The following CIB1 variants were observed in gnomAD, a reference collection of about 807,000 sequenced individuals.
The protein encoded by CIB1 is calcium and integrin binding 1.
Under a neutral mutation model 25.0 loss-of-function variants are expected in CIB1, and 19 were observed. The observed-to-expected ratio is 0.76, with a 90% confidence interval of 0.53 to 1.12. CIB1 has a LOEUF of 1.12. Among genes scored for constraint, CIB1 ranks in the 50% most tolerant of loss-of-function variants. The probability of loss-of-function intolerance (pLI) is 0.00; values close to 1 mark genes in which losing one functional copy is unlikely to be tolerated. For missense variants in CIB1, 236 were observed against 242.6 expected (o/e 0.97, Z 0.18); for synonymous variants, 104 against 98.5 (o/e 1.06, Z -0.33).
the CIB1 span, chr15:90,255,683 G>A: frequency 3.1e-5 from 50 of 1,603,548 alleles, no homozygotes; most frequent in Non-Finnish European, 3.7e-5. Flanking sequence ...CTCCTCCACT[G>A]CTTCCTGGGA....
At chr15:90,240,237 G>A in the CIB1 span, among the ~76,000 whole-genome samples, 18 of 151,410 alleles carry the variant, frequency 1.2e-4, no homozygotes, top group African/African-American at 4.4e-4. Context: ...GCCAGGTGCA[G>A]TGGCTCAGGC....
At chr15:90,241,477 T>C in the CIB1 span, 1 of 1,613,786 alleles carries the variant, frequency 6.2e-7, no homozygotes, top group Non-Finnish European at 8.5e-7. Context: ...AGGGCAGGGA[T>C]TGAGGCTGTG....
At chr15:90,246,974 TC>T in the CIB1 span, among the ~76,000 whole-genome samples, 2 of 150,056 alleles carry the variant, frequency 1.3e-5, no homozygotes, top group African/African-American at 2.5e-5. Context: ...TTTCTTTCTT[TC>T]CTTTTTTTTT....
the CIB1 span, chr15:90,258,862 G>A: frequency 1.9e-6 from 3 of 1,614,178 alleles, no homozygotes; most frequent in Non-Finnish European, 1.7e-6. Context: ...GGAAGGTGAT[G>A]GAGGAGGATA....
At chr15:90,237,422 C>T (rs1407945700), upstream of CIB1, among the ~76,000 whole-genome samples, 1 of 151,496 alleles carries the variant, frequency 6.6e-6, no homozygotes, top group Non-Finnish European at 1.5e-5. Context: ...GCTGGGACTA[C>T]AGGTGTGTGC....
At chr15:90,263,883 G>A in the CIB1 span, 1 of 1,107,452 alleles carries the variant, frequency 9.0e-7, no homozygotes, top group Non-Finnish European at 1.3e-6. Flanking sequence ...CAATCCCCAG[G>A]ATCTTAGGGG....
the CIB1 span, chr15:90,265,553 G>C: frequency 7.2e-7 from 1 of 1,386,164 alleles, no homozygotes; most frequent in Non-Finnish European, 9.6e-7. Flanking sequence ...AGAAAGGGTG[G>C]GCCACTGAGC....
In CIB1 at chr15:90,231,094, C is replaced by T. The variant is rs914933274; in HGVS notation, c.465+1G>A. On this transcript the variant is annotated splice_donor_variant, in intron 5 of 6. Coordinates refer to ENST00000328649, the MANE Select transcript of CIB1 (RefSeq NM_006384.4). LOFTEE classifies it high-confidence loss of function. ...GCTCCCAGGCCTGCTCAGCTGCTCA[C>T]GTTGTCGATGAGCTGCTTCATCTCA... The T allele has an allele frequency of 1.9e-6, 3 of 1,613,768 alleles. No individual in the cohort carries two copies. Among genetic ancestry groups the T allele is most frequent in the South Asian group, 1.1e-5 (1 of 91,068 alleles).
chr15:90,231,097 T>C lies in CIB1; in HGVS notation c.463A>G (p.Asn155Asp), dbSNP rs146621891. ...CCCAGGCCTGCTCAGCTGCTCACGTTGTCGATGAGCTGCTTCATCTCAGAC... is the reference window on the plus strand; with the variant it reads ...CCCAGGCCTGCTCAGCTGCTCACGTCGTCGATGAGCTGCTTCATCTCAGAC... The part of the protein sequence containing the change: ...SASEMKQLID[N>D]ILEESDIDRD... Residue 155 changes from asparagine (N) to aspartate (D), a missense_variant and splice_region_variant, in exon 5 of 7, where the codon AAC becomes GAC. By Grantham distance (23) the Asn-to-Asp change is conservative. Coordinates refer to ENST00000328649, the MANE Select transcript of CIB1 (RefSeq NM_006384.4). The C allele has an allele frequency of 6.1e-5, 98 of 1,613,772 alleles. No homozygotes were observed. The highest frequency in any genetic ancestry group is 8.1e-5 in the Non-Finnish European group (95 of 1,179,732).
chr15:90,255,240 A>T, the CIB1 span, among the ~76,000 whole-genome samples: 1 of 152,314 alleles, frequency 6.6e-6, no homozygotes, highest in Non-Finnish European at 1.5e-5. Context: ...GGCATCCCGG[A>T]TGCTGCCACC....
chr15:90,234,955 T>C (rs1962601142), upstream of CIB1, among the ~76,000 whole-genome samples: 1 of 152,230 alleles, frequency 6.6e-6, no homozygotes, highest in Non-Finnish European at 1.5e-5. Context: ...CTGGGATTAA[T>C]TCTTGATCCT....
chr15:90,230,905 C>T, intron 6 of CIB1, 29 bp downstream of exon 6: 2 of 1,592,330 alleles, frequency 1.3e-6, no homozygotes, highest in South Asian at 1.1e-5. Context: ...CCTGCAGGTA[C>T]CCAGAATGAA....
the CIB1 span, chr15:90,262,926 T>C: frequency 1.2e-5 from 18 of 1,523,388 alleles, no homozygotes; most frequent in Non-Finnish European, 1.5e-5. Flanking sequence ...TTGGGACTTA[T>C]CCTTGGAGAT....
chr15:90,253,260 G>A, the CIB1 span: 1 of 1,613,822 alleles, frequency 6.2e-7, no homozygotes, highest in Non-Finnish European at 8.5e-7. Context: ...GCGTCGGGCA[G>A]CCCAAATGTG....
the CIB1 span, among the ~76,000 whole-genome samples, chr15:90,256,545 T>TTTTCTTTCTTTCTTTC: frequency 1.6e-3 from 174 of 105,476 alleles, 2 homozygotes; most frequent in Middle Eastern, 4.7e-3. Flanking sequence ...TCTCCTTCCT[T>TTTTCTTTCTTTCTTTC]TTTCTTTCTT....
At chr15:90,262,674 C>T in the CIB1 span, 1 of 1,476,584 alleles carries the variant, frequency 6.8e-7, no homozygotes. Context: ...AAAGAGGTGC[C>T]AGGGGTTTTG....
the CIB1 span, chr15:90,241,861 C>T: frequency 6.2e-7 from 1 of 1,614,172 alleles, no homozygotes; most frequent in South Asian, 1.1e-5. Flanking sequence ...GCCCGGAAGT[C>T]CAGCTTTGGG....
At chr15:90,231,573 G>C in intron 3 of CIB1, 66 bp from the exon 4 acceptor site, 4 of 1,567,006 alleles carry the variant, frequency 2.6e-6, no homozygotes, top group Middle Eastern at 3.9e-4. Context: ...CCAGAAACTT[G>C]AGAGAGCAGG....
chr15:90,256,595 T>TTC, the CIB1 span, among the ~76,000 whole-genome samples: 8 of 37,886 alleles, frequency 2.1e-4, no homozygotes, highest in Non-Finnish European at 4.1e-4. Context: ...CTTTCTTTCT[T>TTC]TCTTTCTTTC....
Sources: allele counts gnomAD v4.1 joint callset (sites outside exome capture counted in the v4.1 genomes callset), GRCh38; gene constraint gnomAD v4.1.1; transcripts MANE v1.5; gene names NCBI Gene and HGNC (gene_info 2026-07-23, HGNC 2026-07-21).